C13orf42: variants seen among roughly 807,000 people sequenced by gnomAD.
C13orf42 encodes the protein uncharacterized protein C13orf42.
chr13:51,105,389 T>C (rs1028346958), intron 1 of C13orf42, among the ~76,000 whole-genome samples: 2 of 152,188 alleles, frequency 1.3e-5, no homozygotes, highest in African/African-American at 4.8e-5. Flanking sequence ...TCCTGACACA[T>C]AGTATGTGCT....
intron 1 of C13orf42, among the ~76,000 whole-genome samples, chr13:51,171,637 T>C (rs1045202398): frequency 2.6e-5 from 4 of 152,176 alleles, no homozygotes; most frequent in Admixed American, 6.5e-5. Context: ...TCCTCACACC[T>C]GGTCGGGCTT....
chr13:51,169,700 T>C (rs9526725), intron 1 of C13orf42, among the ~76,000 whole-genome samples: 38,651 of 151,768 alleles, frequency 0.25, 4,954 homozygotes, highest in African/African-American at 0.28. Context: ...GGCCAAGGTA[T>C]AGCTCAGGCA....
At chr13:51,145,418 T>TA (rs1156358801) in intron 1 of C13orf42, among the ~76,000 whole-genome samples, 1 of 152,152 alleles carries the variant, frequency 6.6e-6, no homozygotes, top group Admixed American at 6.5e-5. Flanking sequence ...CATAACCTGC[T>TA]AAAAATGAGA....
In C13orf42 at chr13:51,083,458, C is replaced by G. The variant is rs1022763790; in HGVS notation, c.*693G>C. On this transcript the variant is annotated 3_prime_UTR_variant, in exon 4 of 4. Coordinates refer to ENST00000563710, the MANE Select transcript of C13orf42 (RefSeq NM_001351589.3). ...GAAAAAGAAAAGAATCACCCCATCT[C>G]CCTTCTTCTCTTGTCAATTGCCTAT... 6.6e-6 allele frequency: 1 copy of G among 152,216 alleles called. No individual in the cohort carries two copies. The highest frequency in any genetic ancestry group is 2.4e-5 in the African/African-American group (1 of 41,438). 9.4% of individuals were successfully genotyped at this position (152,216 alleles called of 1,614,324 possible).
chr13:51,134,309 C>G (rs544553881), intron 1 of C13orf42, among the ~76,000 whole-genome samples: 1 of 152,322 alleles, frequency 6.6e-6, no homozygotes, highest in East Asian at 1.9e-4. Flanking sequence ...TTCTGAGGCA[C>G]TCCTCAGTCT....
intron 1 of C13orf42, among the ~76,000 whole-genome samples, chr13:51,099,715 G>A (rs1953267459): frequency 6.6e-6 from 1 of 152,110 alleles, no homozygotes; most frequent in Non-Finnish European, 1.5e-5. Context: ...GTTCACAGTG[G>A]CCTCGAACTC....
At chr13:51,124,963 T>C (rs1953564329) in intron 1 of C13orf42, among the ~76,000 whole-genome samples, 1 of 152,100 alleles carries the variant, frequency 6.6e-6, no homozygotes, top group South Asian at 2.1e-4. Flanking sequence ...TTTTTTTCCT[T>C]TTGGTCACAC....
chr13:51,098,160 C>T (rs1953254532), intron 1 of C13orf42, among the ~76,000 whole-genome samples: 1 of 151,934 alleles, frequency 6.6e-6, no homozygotes, highest in Admixed American at 6.6e-5. Flanking sequence ...CATTTCATAT[C>T]AGTTTGCCAT....
intron 2 of C13orf42, among the ~76,000 whole-genome samples, chr13:51,087,490 C>T (rs1365121146): frequency 6.6e-6 from 1 of 152,132 alleles, no homozygotes; most frequent in East Asian, 1.9e-4. Flanking sequence ...AGTATATTCA[C>T]GTTGTTTTGC....
At position 51,117,872 on chromosome 13, in the gene C13orf42, T is replaced by A. The variant is rs954153774; in HGVS notation, n.137-4650A>T. 2.0e-5 allele frequency among the ~76,000 whole-genome samples: 3 copies of A among 152,328 alleles called. No homozygotes were observed. In the East Asian group the frequency reaches 5.8e-4, roughly 29 times the overall value. ...CACGTGAACACTCAGGGACCCAGGC[T>A]CTTTCCATGTCATTGCTCCCTCACT... On this transcript the variant is annotated intron_variant and non_coding_transcript_variant, in intron 1 of 4. Transcript: ENST00000433280.
At chr13:51,140,725 G>A (rs967529624) in intron 1 of C13orf42, among the ~76,000 whole-genome samples, 1 of 152,034 alleles carries the variant, frequency 6.6e-6, no homozygotes, top group East Asian at 1.9e-4. Flanking sequence ...CTTCCATGAC[G>A]ATGGAAGGGA....
At chr13:51,127,040 G>C (rs1010355363) in intron 1 of C13orf42, among the ~76,000 whole-genome samples, 1 of 152,086 alleles carries the variant, frequency 6.6e-6, no homozygotes, top group Non-Finnish European at 1.5e-5. Flanking sequence ...GGTGGCAGGC[G>C]CCTATAGTCC....
rs181459860 is a variant in C13orf42, at chr13:51,141,278, G to A, written n.137-28056C>T. On this transcript the variant is annotated intron_variant and non_coding_transcript_variant, in intron 1 of 4. Transcript: ENST00000433280. ...AGTTGAATGAATTCTGTTTCCACCT[G>A]ATTTTTTGACTAAAACAGTTCTGCA... 1.7e-3 allele frequency among the ~76,000 whole-genome samples: 248 copies of A among 145,392 alleles called. 1 individual carries two copies. The highest frequency in any genetic ancestry group is 2.1e-3 in the Non-Finnish European group (136 of 66,174).
At chr13:51,102,228 CTG>C (rs1269901792) in intron 1 of C13orf42, among the ~76,000 whole-genome samples, 3 of 152,220 alleles carry the variant, frequency 2.0e-5, no homozygotes, top group African/African-American at 7.2e-5. Flanking sequence ...TTTAATATCA[CTG>C]TGTTTGCAGA....
intron 1 of C13orf42, among the ~76,000 whole-genome samples, chr13:51,094,326 G>A (rs1953210786): frequency 6.6e-6 from 1 of 152,096 alleles, no homozygotes; most frequent in African/African-American, 2.4e-5. Flanking sequence ...CAATAAATGA[G>A]GAAATACTAA....
At chr13:51,169,618 G>C (rs9526724) in intron 1 of C13orf42, among the ~76,000 whole-genome samples, 1 of 151,702 alleles carries the variant, frequency 6.6e-6, no homozygotes, top group Admixed American at 6.6e-5. Flanking sequence ...ACCAAGGTCC[G>C]GCCACTCTGT....
intron 1 of C13orf42, among the ~76,000 whole-genome samples, chr13:51,106,640 AT>A (rs1433241118): frequency 6.6e-6 from 1 of 152,188 alleles, no homozygotes; most frequent in Non-Finnish European, 1.5e-5. Flanking sequence ...GAAGTCAGGA[AT>A]ACAGCTGATT....
chr13:51,161,822 G>T, intron 1 of C13orf42: 1 of 396,816 alleles, frequency 2.5e-6, no homozygotes, highest in Admixed American at 2.7e-5. Flanking sequence ...CACTGTGAGG[G>T]ATAGAGAAAC....
At chr13:51,127,651 T>C (rs561418593) in intron 1 of C13orf42, among the ~76,000 whole-genome samples, 4 of 152,338 alleles carry the variant, frequency 2.6e-5, no homozygotes, top group South Asian at 4.1e-4. Context: ...CCTCAAATTT[T>C]GAAATATGTT....
Sources: gnomAD v4.1 joint callset for allele counts (sites outside exome capture counted in the v4.1 genomes callset) on GRCh38, gnomAD v4.1.1 for gene constraint, MANE v1.5 for transcripts, NCBI Gene and HGNC (gene_info 2026-07-23, HGNC 2026-07-21) for gene names.